Variants in SNX29 observed in about 807,000 individuals in gnomAD.
The protein encoded by SNX29 is sorting nexin-29.
In SNX29, 78 loss-of-function variants were observed where a neutral mutation model predicts 102.1. That is an observed-to-expected ratio of 0.76 (90% CI 0.64 to 0.92). SNX29 has a LOEUF of 0.92. Among genes scored for constraint, SNX29 ranks in the 40% least tolerant of loss-of-function variants. SNX29 has a pLI of 0.00. For missense variants in SNX29, 1,280 were observed against 1,061.7 expected (o/e 1.21, Z -2.86); for synonymous variants, 580 against 414.5 (o/e 1.40, Z -4.85).
At chr16:12,480,866 TTTG>T (rs770841275) in intron 19 of SNX29, among the ~76,000 whole-genome samples, 60 of 152,068 alleles carry the variant, frequency 3.9e-4, no homozygotes, top group Admixed American at 5.9e-4. Context: ...TGGGAACTGT[TTTG>T]TTGTTGTTGT....
intron 19 of SNX29, among the ~76,000 whole-genome samples, chr16:12,507,689 T>C (rs1348198996): frequency 6.6e-6 from 1 of 152,216 alleles, no homozygotes; most frequent in Admixed American, 6.5e-5. Context: ...CCCTGATTTT[T>C]TACTTTCCTT....
At chr16:12,564,247 A>G (rs552710066) in intron 20 of SNX29, among the ~76,000 whole-genome samples, 1 of 152,266 alleles carries the variant, frequency 6.6e-6, no homozygotes, top group African/African-American at 2.4e-5. Flanking sequence ...ATCTCTACTC[A>G]GTTCCTTTGG....
At chr16:12,371,496 CAG>C (rs879598671) in intron 16 of SNX29, among the ~76,000 whole-genome samples, 1 of 152,162 alleles carries the variant, frequency 6.6e-6, no homozygotes, top group Non-Finnish European at 1.5e-5. Flanking sequence ...TTTGTAGAGA[CAG>C]GGTCTTTCTA....
At chr16:12,506,995 G>C (rs987378356) in intron 19 of SNX29, among the ~76,000 whole-genome samples, 6 of 152,180 alleles carry the variant, frequency 3.9e-5, no homozygotes, top group Admixed American at 6.5e-5. Context: ...CTTATCTTGT[G>C]GTGGGGAAAA....
chr16:12,009,984 T>C (rs768696441), intron 3 of SNX29, among the ~76,000 whole-genome samples: 43 of 152,232 alleles, frequency 2.8e-4, no homozygotes, highest in Non-Finnish European at 4.1e-4. Context: ...GGAATCAGCA[T>C]GGGCTTTGGA....
At chr16:12,369,377 C>T (rs540737610) in intron 16 of SNX29, among the ~76,000 whole-genome samples, 48 of 152,028 alleles carry the variant, frequency 3.2e-4, no homozygotes, top group Non-Finnish European at 6.5e-4. Context: ...CTCAAGTGAT[C>T]GACCCACCTT....
chr16:12,154,249 A>G (rs1210592539), intron 13 of SNX29, among the ~76,000 whole-genome samples: 1 of 152,062 alleles, frequency 6.6e-6, no homozygotes, highest in South Asian at 2.1e-4. Flanking sequence ...GTAATTGCCC[A>G]CAGAAGGAGA....
chr16:12,510,513 A>G (rs1567636785), intron 19 of SNX29, among the ~76,000 whole-genome samples: 1 of 152,066 alleles, frequency 6.6e-6, no homozygotes, highest in African/African-American at 2.4e-5. Flanking sequence ...TCTCTACTAA[A>G]AAGACAAAAA....
At chr16:12,564,930 G>A (rs911501657) in intron 20 of SNX29, among the ~76,000 whole-genome samples, 1 of 34,502 alleles carries the variant, frequency 2.9e-5, no homozygotes, top group South Asian at 1.0e-3. Flanking sequence ...GGGAACCTTG[G>A]TGTTAAAAAA....
chr16:12,215,634 A>G (rs1031374344), intron 14 of SNX29, among the ~76,000 whole-genome samples: 2 of 152,208 alleles, frequency 1.3e-5, no homozygotes, highest in African/African-American at 2.4e-5. Context: ...CTTGAGTCCT[A>G]TGATGCCCTA....
chr16:12,351,283 A>G (rs972121541), intron 15 of SNX29, among the ~76,000 whole-genome samples: 3 of 152,226 alleles, frequency 2.0e-5, no homozygotes, highest in African/African-American at 4.8e-5. Context: ...GTGCAATGCC[A>G]TCATCACAGA....
At position 12,178,467 on chromosome 16, in the gene SNX29, C is replaced by T. The variant is rs189155060; in HGVS notation, c.1596-21134C>T. On this transcript the variant is annotated intron_variant, in intron 13 of 20. Transcript: ENST00000566228. ...ACGGCACCCAGCTGTCCCCAGATTT[C>T]GCAAAACCAGCCTGGCTTTTGTCTT... 1.7e-3 allele frequency among the ~76,000 whole-genome samples: 264 copies of T among 152,274 alleles called. 1 individual carries two copies. The highest frequency in any genetic ancestry group is 1.5e-3 in the Non-Finnish European group (99 of 68,028).
At chr16:11,992,976 A>G (rs1436532965) in intron 1 of SNX29, among the ~76,000 whole-genome samples, 1 of 152,068 alleles carries the variant, frequency 6.6e-6, no homozygotes, top group East Asian at 1.9e-4. Context: ...AGCCTGACCA[A>G]CATGGCGAAA....
rs1191012573 is a variant in SNX29 at position 12,462,047 on chromosome 16, T to A, written c.2038-15672T>A. ...CACACACACACACACACACACACTC[T>A]TATATATGAGAAAATATCCAGACCA... is the stretch of plus-strand genomic sequence containing the variant. On this transcript the variant is annotated intron_variant, in intron 18 of 20. Coordinates refer to ENST00000566228, the MANE Select transcript of SNX29 (RefSeq NM_032167.5). 2.9e-3 allele frequency among the ~76,000 whole-genome samples: 303 copies of A among 105,554 alleles called. 2 individuals are homozygous for A. Among genetic ancestry groups the A allele is most frequent in the African/African-American group, 0.013 (285 of 21,812 alleles). 69.2% of individuals were successfully genotyped at this position (105,554 alleles called of 152,430 possible).
At chr16:12,474,781 C>A (rs528697028) in intron 18 of SNX29, among the ~76,000 whole-genome samples, 10 of 152,308 alleles carry the variant, frequency 6.6e-5, no homozygotes, top group African/African-American at 2.2e-4. Context: ...TCTCCCACTT[C>A]CGTGGTTTCC....
Position 12,570,282 on chromosome 16 carries a change from C to T in SNX29, c.*1653C>T, listed in dbSNP as rs1428585617. 1.5e-5 allele frequency: 16 copies of T among 1,062,322 alleles called. No individual in the cohort carries two copies. The highest frequency in any genetic ancestry group is 1.6e-5 in the African/African-American group (1 of 60,978). 65.8% of individuals were successfully genotyped at this position (1,062,322 alleles called of 1,614,324 possible). ...TGTATGGAGGTGCGGACCCTGCAGTCAGTTTGCGAGTGTGGAGGACCCGAG... is the reference window on the plus strand; with the variant it reads ...TGTATGGAGGTGCGGACCCTGCAGTTAGTTTGCGAGTGTGGAGGACCCGAG... On this transcript the variant is annotated 3_prime_UTR_variant, in exon 21 of 21. Coordinates refer to ENST00000566228, the MANE Select transcript of SNX29 (RefSeq NM_032167.5).
intron 20 of SNX29, among the ~76,000 whole-genome samples, chr16:12,562,091 C>T (rs1029763559): frequency 6.6e-6 from 1 of 152,164 alleles, no homozygotes; most frequent in African/African-American, 2.4e-5. Context: ...GTAGTTTGAA[C>T]CGCATTTCTA....
chr16:12,521,347 T>C (rs1002463391), intron 19 of SNX29, among the ~76,000 whole-genome samples: 3 of 151,946 alleles, frequency 2.0e-5, no homozygotes, highest in African/African-American at 7.3e-5. Flanking sequence ...AAGCAGCTAT[T>C]GTGAGGAGTG....
rs2079245474 is a variant in SNX29, at chr16:12,574,206, G to T, written c.*5577G>T. Reference sequence around the variant, plus strand: ...AAATTTTCTTTTGGAATAAGCTGTGGAAATTTTGTTACAACCTGGTTGAGA... The same window carrying T: ...AAATTTTCTTTTGGAATAAGCTGTGTAAATTTTGTTACAACCTGGTTGAGA... On this transcript the variant is annotated 3_prime_UTR_variant, in exon 21 of 21. Coordinates refer to ENST00000566228, the MANE Select transcript of SNX29 (RefSeq NM_032167.5). The T allele has an allele frequency of 1.1e-5, 2 of 178,214 alleles. No individual in the cohort carries two copies. Among genetic ancestry groups the T allele is most frequent in the East Asian group, 1.9e-4 (2 of 10,636 alleles). 11.0% of individuals were successfully genotyped at this position (178,214 alleles called of 1,614,324 possible).
Sources: allele counts gnomAD v4.1 joint callset (sites outside exome capture counted in the v4.1 genomes callset), GRCh38; gene constraint gnomAD v4.1.1; transcripts MANE v1.5; gene names NCBI Gene and HGNC (gene_info 2026-07-23, HGNC 2026-07-21).